The following MAP3K8 variants were observed in gnomAD, a reference collection of about 807,000 sequenced individuals.
The protein encoded by MAP3K8 is mitogen-activated protein kinase kinase kinase 8.
Under a neutral mutation model 45.8 loss-of-function variants are expected in MAP3K8, and 22 were observed. That is an observed-to-expected ratio of 0.48 (90% CI 0.34 to 0.69). The LOEUF is 0.69. Ranked by LOEUF, MAP3K8 falls within the 30% of genes least tolerant of loss-of-function variation. The pLI is 0.01. For missense variants in MAP3K8, 419 were observed against 585.0 expected (o/e 0.72, Z 2.93); for synonymous variants, 223 against 214.3 (o/e 1.04, Z -0.36).
intron 1 of MAP3K8, among the ~76,000 whole-genome samples, chr10:30,436,079 A>G (rs1835900736): frequency 6.6e-6 from 1 of 152,224 alleles, no homozygotes; most frequent in South Asian, 2.1e-4. Flanking sequence ...CTGTATTTGC[A>G]CATCTCTCCA....
rs764138411 is a variant in MAP3K8 at position 30,458,272 on chromosome 10, G to C, written c.1026+36G>C. ...TTCAACCAGGGCTGGGGGCGGCGGG[G>C]GGGGGCGTTGAGTTATGCATCCCGC... On this transcript the variant is annotated intron_variant, in intron 7 of 8. Transcript: ENST00000263056. The C allele has an allele frequency of 1.6e-5, 22 of 1,365,364 alleles. 2 individuals are homozygous for C. Among genetic ancestry groups the C allele is most frequent in the Non-Finnish European group, 2.0e-5 (21 of 1,027,948 alleles). 84.6% of individuals were successfully genotyped at this position (1,365,364 alleles called of 1,614,324 possible). A position where few individuals can be genotyped will look rare whatever the true frequency, so the allele number is the denominator to read the frequency against.
chr10:30,444,189 TAA>T (rs879650669), intron 3 of MAP3K8, among the ~76,000 whole-genome samples: 4 of 137,606 alleles, frequency 2.9e-5, no homozygotes, highest in Middle Eastern at 3.9e-3. Context: ...GACCCTGTCT[TAA>T]AAAAAAAAAA....
intron 6 of MAP3K8, among the ~76,000 whole-genome samples, chr10:30,456,389 A>G (rs1836728941): frequency 6.6e-6 from 1 of 152,146 alleles, no homozygotes; most frequent in South Asian, 2.1e-4. Context: ...GCTCAGTTTC[A>G]CCTGTTTGCT....
chr10:30,443,715 T>G (rs576981125), intron 3 of MAP3K8, among the ~76,000 whole-genome samples: 22 of 151,456 alleles, frequency 1.5e-4, no homozygotes, highest in Non-Finnish European at 3.1e-4. Flanking sequence ...TTGTGGAATC[T>G]ATTCTTACTA....
chr10:30,435,487 T>G (rs1564361568), intron 1 of MAP3K8, among the ~76,000 whole-genome samples: 1 of 152,164 alleles, frequency 6.6e-6, no homozygotes, highest in African/African-American at 2.4e-5. Flanking sequence ...AGCAAAAACA[T>G]AGTCAGAAAT....
chr10:30,450,434 A>T lies in MAP3K8; in HGVS notation c.681A>T (p.Glu227Asp). 1 of 1,614,130 alleles carries T rather than the reference A, an allele frequency of 6.2e-7. No individual in the cohort carries two copies. The highest frequency in any genetic ancestry group is 8.5e-7 in the Non-Finnish European group (1 of 1,180,000). The change falls in exon 5 of 9, where the codon GAA becomes GAT. Residue 227 changes from glutamate (E) to aspartate (D), a missense_variant. Physicochemically the swap from Glu to Asp is conservative, Grantham distance 45. Around this residue, in one of 3 missense-constraint regions of MAP3K8, gnomAD observed 209 missense variants for 367.3 expected, o/e 0.57. Transcript: ENST00000263056. ...EKLESCGPMR[E>D]FEIIWVTKHV... is the part of the protein sequence containing the mutation. ...TGGAGAGCTGTGGACCAATGAGAGA[A>T]TTTGAAATTATTTGGGTGACAAAGC...
chr10:30,449,338 G>A (rs141771840), intron 4 of MAP3K8, among the ~76,000 whole-genome samples: 13 of 152,088 alleles, frequency 8.5e-5, no homozygotes, highest in Admixed American at 2.6e-4. Flanking sequence ...TCTGTCTCCC[G>A]GGTTCAAGCG....
intron 2 of MAP3K8, 141 bp from the exon 3 acceptor site, chr10:30,438,775 T>C (rs916225073): frequency 1.4e-5 from 8 of 582,954 alleles, no homozygotes; most frequent in African/African-American, 3.7e-5. Flanking sequence ...CTTGAATTCA[T>C]ACACACAGTT....
intron 6 of MAP3K8, among the ~76,000 whole-genome samples, chr10:30,455,569 T>A (rs1398390492): frequency 6.6e-6 from 1 of 152,198 alleles, no homozygotes; most frequent in African/African-American, 2.4e-5. Flanking sequence ...GAATACATAG[T>A]GAATGCGAAT....
chr10:30,448,724 G>A (rs961954243), intron 4 of MAP3K8, among the ~76,000 whole-genome samples: 3 of 151,888 alleles, frequency 2.0e-5, no homozygotes, highest in Non-Finnish European at 2.9e-5. Flanking sequence ...AAGCCACCGC[G>A]CCCTGCCCTT....
At chr10:30,451,546 A>T (rs1836539491) in intron 5 of MAP3K8, 92 bp from the exon 6 acceptor site, 2 of 611,506 alleles carry the variant, frequency 3.3e-6, no homozygotes, top group Non-Finnish European at 5.7e-6. Context: ...GTCTTTTCTG[A>T]TTGGAGATTC....
At position 30,434,623 on chromosome 10, in the gene MAP3K8, T is replaced by A. The variant is rs562336758; in HGVS notation, c.-255+245T>A. ...GCGACTCCTCCCCCTTCCTCCTCCTTCCCGTATCCGCAGCGCCAGGGCAGT... is the reference window on the plus strand; with the variant it reads ...GCGACTCCTCCCCCTTCCTCCTCCTACCCGTATCCGCAGCGCCAGGGCAGT... On this transcript the variant is annotated intron_variant, in intron 1 of 8. Transcript: ENST00000263056. 48 of 985,832 alleles carry A rather than the reference T, an allele frequency of 4.9e-5. No individual in the cohort carries two copies. The African/African-American group carries it at 8.4e-4, about 17-fold the overall frequency. 61.1% of individuals were successfully genotyped at this position (985,832 alleles called of 1,614,324 possible).
chr10:30,449,944 G>A (rs368802805), intron 4 of MAP3K8, among the ~76,000 whole-genome samples: 2 of 152,170 alleles, frequency 1.3e-5, no homozygotes, highest in African/African-American at 4.8e-5. Flanking sequence ...TGTCTAATAG[G>A]TGGGAAATTA....
intron 4 of MAP3K8, among the ~76,000 whole-genome samples, chr10:30,449,095 A>G (rs550895052): frequency 4.6e-5 from 7 of 152,208 alleles, no homozygotes; most frequent in Non-Finnish European, 7.3e-5. Flanking sequence ...GATCTACTGT[A>G]TGAGATTCTA....
At chr10:30,438,626 T>C (rs541622230) in intron 2 of MAP3K8, among the ~76,000 whole-genome samples, 3 of 152,316 alleles carry the variant, frequency 2.0e-5, no homozygotes, top group South Asian at 4.1e-4. Flanking sequence ...GTATGTTTAG[T>C]GAAAGTTTGT....
intron 1 of MAP3K8, chr10:30,434,828 CCTTGA>C (rs1835862208): frequency 1.0e-6 from 1 of 964,264 alleles, no homozygotes; most frequent in Non-Finnish European, 1.2e-6. Flanking sequence ...TTTTAGGCTC[CCTTGA>C]CTTAGAGAAC....
chr10:30,447,550 G>A, intron 3 of MAP3K8, among the ~76,000 whole-genome samples: 1 of 152,156 alleles, frequency 6.6e-6, no homozygotes, highest in Non-Finnish European at 1.5e-5. Context: ...TCATGAGTAG[G>A]TGGAAATATG....
chr10:30,444,751 G>A (rs988953771), intron 3 of MAP3K8, among the ~76,000 whole-genome samples: 1 of 152,170 alleles, frequency 6.6e-6, no homozygotes, highest in Non-Finnish European at 1.5e-5. Flanking sequence ...ATAAATAACT[G>A]AGTTATTTTT....
At chr10:30,439,799 ACT>A (rs1349700693) in intron 3 of MAP3K8, among the ~76,000 whole-genome samples, 5 of 152,232 alleles carry the variant, frequency 3.3e-5, no homozygotes, top group Non-Finnish European at 5.9e-5. Flanking sequence ...ACTGAGTGAG[ACT>A]CTGTCTCAAC....
Sources: allele counts gnomAD v4.1 joint callset (sites outside exome capture counted in the v4.1 genomes callset), GRCh38; gene constraint gnomAD v4.1.1; regional missense constraint gnomAD v4.1.1; transcripts MANE v1.5; gene names NCBI Gene and HGNC (gene_info 2026-07-23, HGNC 2026-07-21).